Variants in SALL4 observed in about 807,000 individuals in gnomAD.
SALL4 encodes sal-like protein 4.
A neutral mutation model predicts 60.8 loss-of-function variants in SALL4; 4 were observed. The observed-to-expected ratio is 0.07, with a 90% CI of 0.03 to 0.15. The LOEUF (loss-of-function observed/expected upper bound fraction) is 0.15. Ranked by LOEUF, SALL4 falls within the 10% of genes least tolerant of loss-of-function variation. The probability of loss-of-function intolerance (pLI) is 1.00; values close to 1 mark genes in which losing one functional copy is unlikely to be tolerated. For synonymous variants in SALL4, 580 were observed against 574.9 expected (o/e 1.01, Z -0.13); for missense variants, 1,178 against 1,394.7 (o/e 0.84, Z 2.48).
chr20:51,792,501 C>T, intron 1 of SALL4, 149 bp from the exon 2 acceptor site: 1 of 1,016,732 alleles, frequency 9.8e-7, no homozygotes, highest in Non-Finnish European at 1.5e-6. Context: ...CCAGTCTGGC[C>T]AACATGGTGA....
Position 51,784,549 on chromosome 20 carries a change from G to A in SALL4, c.2878C>T (p.Pro960Ser). 1.2e-6 allele frequency: 2 copies of A among 1,614,118 alleles called. No homozygotes were observed. Among genetic ancestry groups the A allele is most frequent in the Non-Finnish European group, 8.5e-7 (1 of 1,180,018 alleles). The change falls in exon 4 of 4, where the codon CCT (proline) becomes TCT (serine). Residue 960 changes from proline to serine, a missense_variant. Physicochemically the swap from Pro to Ser is moderately conservative, Grantham distance 74. Coordinates refer to ENST00000217086, the MANE Select transcript of SALL4 (RefSeq NM_020436.5). ...SEIFPKEILAPSVNVDPVVWN... is the reference protein window; with the variant it reads ...SEIFPKEILASSVNVDPVVWN... The stretch of plus-strand genomic sequence containing the variant: ...ACAACAGGGTCCACATTCACTGAAG[G>A]GGCCAGGATTTCCTTGGGAAAGATT...
chr20:51,793,170 T>C (rs1409763547), intron 1 of SALL4: 1 of 160,204 alleles, frequency 6.2e-6, no homozygotes, highest in Non-Finnish European at 1.3e-5. Context: ...ATGTACAACA[T>C]GACCATTTTG....
At chr20:51,795,278 G>T (rs568360000) in intron 1 of SALL4, among the ~76,000 whole-genome samples, 1 of 152,148 alleles carries the variant, frequency 6.6e-6, no homozygotes, top group African/African-American at 2.4e-5. Flanking sequence ...ACGGTGGTGG[G>T]CGCCTGTAGT....
chr20:51,783,204 C>T lies in SALL4; in HGVS notation c.*1061G>A, dbSNP rs1339378365. ...AGATTCCCCGCTCAGGTGCCCACCT[C>T]TTCTGGGATTTGGGAAGAGGAAGGC... On this transcript the variant is annotated 3_prime_UTR_variant, in exon 4 of 4. Transcript: ENST00000217086. The T allele has an allele frequency of 6.6e-6, 1 of 152,096 alleles. No individual in the cohort carries two copies. The highest frequency in any genetic ancestry group is 1.9e-4 in the East Asian group (1 of 5,194). The allele number at this position is 152,096 out of a possible 1,614,324, so 9.4% of individuals were successfully genotyped here. A position where few individuals can be genotyped will look rare whatever the true frequency, so the allele number is the denominator to read the frequency against.
rs1336353910 is a variant in SALL4 at position 51,784,567 on chromosome 20, G to A, written c.2860C>T (p.Pro954Ser). 2 of 1,614,044 alleles carry A rather than the reference G, an allele frequency of 1.2e-6. No homozygotes were observed. The highest frequency in any genetic ancestry group is 1.7e-6 in the Non-Finnish European group (2 of 1,180,038). ...ACTGAAGGGGCCAGGATTTCCTTGGGAAAGATTTCTGAGACTCTTTTTCCG... is the reference window on the plus strand; with the variant it reads ...ACTGAAGGGGCCAGGATTTCCTTGGAAAAGATTTCTGAGACTCTTTTTCCG... Reference protein sequence around the residue: ...TDGKRVSEIFPKEILAPSVNV... With the variant: ...TDGKRVSEIFSKEILAPSVNV... Residue 954 changes from proline to serine, a missense_variant, in exon 4 of 4, where the codon CCC becomes TCC. By Grantham distance (74) the Pro-to-Ser change is moderately conservative. Around this residue, in one of 5 missense-constraint regions of SALL4, gnomAD observed 174 missense variants for 169.6 expected, o/e 1.03. Transcript: ENST00000217086.
At position 51,791,044 on chromosome 20, in the gene SALL4, G is replaced by A. The variant is rs909590365; in HGVS notation, c.1439C>T (p.Thr480Ile). Residue 480 changes from threonine (T) to isoleucine (I), a missense_variant, in exon 2 of 4, where the codon ACC becomes ATC. Physicochemically the swap from Thr to Ile is moderately conservative, Grantham distance 89. Transcript: ENST00000217086. This position sits in a 1 kb window ranked among gnomAD's most constrained non-coding sequence, Gnocchi z 4.6. ...LSLDSKPVLV[T>I]TSVGLPQNLS... ...ATTCTGAGGTAGCCCTACAGAGGTG[G>A]TTACAAGGACAGGTTTGCTGTCTAA... The A allele has an allele frequency of 6.2e-7, 1 of 1,614,152 alleles. No homozygotes were observed. Among genetic ancestry groups the A allele is most frequent in the Non-Finnish European group, 8.5e-7 (1 of 1,180,026 alleles).
chr20:51,792,699 A>AAC, intron 1 of SALL4: 1 of 841,878 alleles, frequency 1.2e-6, no homozygotes, highest in Non-Finnish European at 1.5e-6. Context: ...AAAAAAAAAA[A>AAC]AAAAAAAAAA....
chr20:51,784,221 A>T lies in SALL4; in HGVS notation c.*44T>A. ...TCTTACAAAACAAAGCAGATTCTAG[A>T]GATTTCACTGTGTCTGCATTGCTCC... is the stretch of plus-strand genomic sequence containing the variant. On this transcript the variant is annotated 3_prime_UTR_variant, in exon 4 of 4. Coordinates refer to ENST00000217086, the MANE Select transcript of SALL4 (RefSeq NM_020436.5). The T allele has an allele frequency of 6.2e-7, 1 of 1,603,406 alleles. No homozygotes were observed. The highest frequency in any genetic ancestry group is 1.7e-5 in the Admixed American group (1 of 60,014).
chr20:51,789,980 T>A, intron 2 of SALL4, 42 bp downstream of exon 2: 1 of 1,613,300 alleles, frequency 6.2e-7, no homozygotes, highest in Non-Finnish European at 8.5e-7. Flanking sequence ...TTGATGACCT[T>A]GAGCCCAAAA....
chr20:51,789,157 G>A lies in SALL4; in HGVS notation c.2462-16C>T. Reference sequence around the variant, plus strand: ...CTGCTCCGACCTAGTACACAGAGGGGAAAAAAGCCAGACCTTTATCATCCA... The same window carrying A: ...CTGCTCCGACCTAGTACACAGAGGGAAAAAAAGCCAGACCTTTATCATCCA... On this transcript the variant is annotated splice_polypyrimidine_tract_variant and intron_variant, in intron 2 of 3. Coordinates refer to ENST00000217086, the MANE Select transcript of SALL4 (RefSeq NM_020436.5). 2 of 1,610,632 alleles carry A rather than the reference G, an allele frequency of 1.2e-6. No homozygotes were observed. Among genetic ancestry groups the A allele is most frequent in the Non-Finnish European group, 1.7e-6 (2 of 1,178,572 alleles).
chr20:51,798,526 T>C (rs1046101846), intron 1 of SALL4, among the ~76,000 whole-genome samples: 6 of 152,100 alleles, frequency 3.9e-5, no homozygotes, highest in Non-Finnish European at 8.8e-5. Flanking sequence ...CTTTTAAAAA[T>C]GTTTAGACAT....
chr20:51,786,345 C>T (rs371353452), intron 3 of SALL4, among the ~76,000 whole-genome samples: 9 of 152,048 alleles, frequency 5.9e-5, no homozygotes, highest in Non-Finnish European at 1.0e-4. Flanking sequence ...CCGCCCACCT[C>T]GGCCTCCCAA....
At chr20:51,797,744 A>AT (rs2078087386) in intron 1 of SALL4, among the ~76,000 whole-genome samples, 1 of 128,308 alleles carries the variant, frequency 7.8e-6, no homozygotes, top group Non-Finnish European at 1.5e-5. Context: ...ATCTTGCAGC[A>AT]TCTAGTTATC....
chr20:51,788,713 A>G lies in SALL4; in HGVS notation c.2742+148T>C. The G allele has an allele frequency of 1.0e-6, 1 of 966,788 alleles. No individual in the cohort carries two copies. The highest frequency in any genetic ancestry group is 2.5e-5 in the East Asian group (1 of 40,448). The allele number at this position is 966,788 out of a possible 1,614,324, so 59.9% of individuals were successfully genotyped here. A position where few individuals can be genotyped will look rare whatever the true frequency, so the allele number is the denominator to read the frequency against. On this transcript the variant is annotated intron_variant, in intron 3 of 3. Coordinates refer to ENST00000217086, the MANE Select transcript of SALL4 (RefSeq NM_020436.5). This position sits in a 1 kb window ranked among gnomAD's most constrained non-coding sequence, Gnocchi z 4.1. ...ACTCCGTCTCAAAAATAAATAAATA[A>G]ATAAACAAACTCCTGGACTCAAGCA...
At chr20:51,797,560 G>A (rs1256779615) in intron 1 of SALL4, 2 of 151,916 alleles carry the variant, frequency 1.3e-5, no homozygotes, top group African/African-American at 4.8e-5. Context: ...GGCCACCACT[G>A]GTAAATACCG....
In SALL4 at chr20:51,802,469, T is replaced by C; in HGVS notation, c.-61A>G. 6.2e-7 allele frequency: 1 copy of C among 1,610,024 alleles called. No homozygotes were observed. Among genetic ancestry groups the C allele is most frequent in the South Asian group, 1.1e-5 (1 of 90,594 alleles). On this transcript the variant is annotated 5_prime_UTR_variant, in exon 1 of 4. Transcript: ENST00000217086. The stretch of plus-strand genomic sequence containing the variant: ...ATTTGCCCTCTCCGCCACAAATTCC[T>C]GGAGTTGGGAAATTTACCCCCCTTC...
chr20:51,784,806 G>T, intron 3 of SALL4, 122 bp from the exon 4 acceptor site: 1 of 1,146,852 alleles, frequency 8.7e-7, no homozygotes, highest in Non-Finnish European at 1.3e-6. Context: ...GATGATCCTT[G>T]ACTTACAGCG....
Position 51,791,981 on chromosome 20 carries a change from T to C in SALL4, c.502A>G (p.Ile168Val). The change falls in exon 2 of 4, where the codon ATA becomes GTA. Residue 168 changes from isoleucine (I) to valine (V), a missense_variant. This residue lies in a region of SALL4 where 853 missense variants were observed against 1,036.8 expected (regional missense o/e 0.82). Transcript: ENST00000217086. This position sits in a 1 kb window ranked among gnomAD's most constrained non-coding sequence, Gnocchi z 4.6. Reference protein sequence around the residue: ...ETALPPTPQDISYLAKGKVAN... With the variant: ...ETALPPTPQDVSYLAKGKVAN... ...ACTTTGCCTTTGGCTAAATAGCTTA[T>C]GTCCTGGGGGGTGGGTGGCAGGGCT... The C allele has an allele frequency of 6.2e-7, 1 of 1,614,182 alleles. No individual in the cohort carries two copies. Among genetic ancestry groups the C allele is most frequent in the East Asian group, 2.2e-5 (1 of 44,862 alleles).
chr20:51,791,231 G>A lies in SALL4; in HGVS notation c.1252C>T (p.Arg418Cys), dbSNP rs749550451. Reference sequence around the variant, plus strand: ...TTGAGGTTGCCCTTGGTGGTGAAGCGATGACCACAGACAGAGCACACGAAG... The same window carrying A: ...TTGAGGTTGCCCTTGGTGGTGAAGCAATGACCACAGACAGAGCACACGAAG... ...RPFVCSVCGH[R>C]FTTKGNLKVH... The change falls in exon 2 of 4, where the codon CGC becomes TGC. Residue 418 changes from arginine (R) to cysteine (C), a missense_variant. Physicochemically the swap from Arg to Cys is radical, Grantham distance 180. Transcript: ENST00000217086. This position sits in a 1 kb window ranked among gnomAD's most constrained non-coding sequence, Gnocchi z 4.6. 6 of 1,613,922 alleles carry A rather than the reference G, an allele frequency of 3.7e-6. No individual in the cohort carries two copies. The highest frequency in any genetic ancestry group is 4.5e-5 in the East Asian group (2 of 44,880).
Sources: gnomAD v4.1 joint callset for allele counts (sites outside exome capture counted in the v4.1 genomes callset) on GRCh38, gnomAD v4.1.1 for gene constraint, gnomAD v4.1.1 regional missense constraint, Gnocchi (gnomAD v3.1) non-coding constraint, MANE v1.5 for transcripts, NCBI Gene and HGNC (gene_info 2026-07-23, HGNC 2026-07-21) for gene names.